EIF3H: variants seen among roughly 807,000 people sequenced by gnomAD.
The protein encoded by EIF3H is eIF-3-gamma.
EIF3H carries 26 observed loss-of-function variants against 44.2 expected under a neutral mutation model. That is an observed-to-expected ratio of 0.59 (90% CI 0.43 to 0.82). The LOEUF (loss-of-function observed/expected upper bound fraction) is 0.82. Among genes scored for constraint, EIF3H ranks in the 40% least tolerant of loss-of-function variants. The pLI is 0.00. For missense variants in EIF3H, 359 were observed against 432.8 expected, an observed-to-expected ratio of 0.83 and a Z score of 1.51; for synonymous variants, 166 against 151.9, an observed-to-expected ratio of 1.09 and a Z score of -0.68.
chr8:116,731,228 G>A (rs774313563), intron 1 of EIF3H, among the ~76,000 whole-genome samples: 1 of 152,134 alleles, frequency 6.6e-6, no homozygotes, highest in African/African-American at 2.4e-5. Flanking sequence ...GCTTTTTTTA[G>A]ATAAATGAAG....
At chr8:116,736,221 G>C (rs956491543) in intron 1 of EIF3H, among the ~76,000 whole-genome samples, 21 of 152,192 alleles carry the variant, frequency 1.4e-4, no homozygotes, top group Non-Finnish European at 1.5e-5. Context: ...TGGTTGCCTA[G>C]GGCCAAGGTG....
intron 2 of EIF3H, among the ~76,000 whole-genome samples, chr8:116,674,067 C>CAAAAAAAAAAAA (rs59899280): frequency 1.2e-4 from 6 of 49,660 alleles, no homozygotes; most frequent in African/African-American, 5.5e-4. Flanking sequence ...AAGACTGTCT[C>CAAAAAAAAAAAA]AAAAAAAAAA....
At chr8:116,696,968 G>A (rs982006959) in intron 2 of EIF3H, 5 of 362,166 alleles carry the variant, frequency 1.4e-5, no homozygotes, top group African/African-American at 2.1e-5. Context: ...AAAAAAGCTA[G>A]GACACCAACC....
At chr8:116,701,863 T>C (rs2130881529) in intron 2 of EIF3H, among the ~76,000 whole-genome samples, 1 of 152,254 alleles carries the variant, frequency 6.6e-6, no homozygotes, top group Admixed American at 6.5e-5. Context: ...AAAAAGAACA[T>C]GAGTAAGAAA....
intron 5 of EIF3H, among the ~76,000 whole-genome samples, chr8:116,654,022 T>C (rs1490257690): frequency 1.3e-5 from 2 of 152,208 alleles, no homozygotes; most frequent in East Asian, 3.8e-4. Context: ...ACAATTACTG[T>C]CAGAAATTAA....
At chr8:116,712,481 A>G (rs1451544277) in intron 2 of EIF3H, among the ~76,000 whole-genome samples, 1 of 152,196 alleles carries the variant, frequency 6.6e-6, no homozygotes, top group Non-Finnish European at 1.5e-5. Flanking sequence ...ATAAACCTAC[A>G]CCATTACATT....
intron 2 of EIF3H, among the ~76,000 whole-genome samples, chr8:116,711,729 C>A (rs2130900461): frequency 6.6e-6 from 1 of 152,268 alleles, no homozygotes; most frequent in Admixed American, 6.5e-5. Context: ...CCAATACATT[C>A]TCCAGGTAAA....
intron 2 of EIF3H, among the ~76,000 whole-genome samples, chr8:116,672,397 G>A (rs546966165): frequency 2.0e-5 from 3 of 152,306 alleles, no homozygotes; most frequent in South Asian, 2.1e-4. Flanking sequence ...AGGCTAAGGC[G>A]GGAGGACTGC....
At position 116,755,769 on chromosome 8, in the gene EIF3H, G is replaced by C; in HGVS notation, c.29C>G (p.Ser10Cys). 3 of 1,614,076 alleles carry C rather than the reference G, an allele frequency of 1.9e-6. No homozygotes were observed. The highest frequency in any genetic ancestry group is 2.5e-6 in the Non-Finnish European group (3 of 1,180,034). Residue 10 changes from serine (S) to cysteine (C), a missense_variant, in exon 1 of 8, where the codon TCT becomes TGT. Physicochemically the swap from Ser to Cys is moderately radical, Grantham distance 112. Around this residue, in one of 5 missense-constraint regions of EIF3H, gnomAD observed 59 missense variants for 33.5 expected, o/e 1.76. Coordinates refer to ENST00000521861, the MANE Select transcript of EIF3H (RefSeq NM_003756.3). Reference protein sequence around the residue: MASRKEGTGSTATSSSSTAG... With the variant: MASRKEGTGCTATSSSSTAG... The stretch of plus-strand genomic sequence containing the variant: ...GGTGGAGCTGGAAGAGGTGGCAGTA[G>C]AGCCGGTACCTTCCTTGCGGGACGC...
At chr8:116,708,785 C>T (rs1250379007) in intron 2 of EIF3H, among the ~76,000 whole-genome samples, 2 of 151,858 alleles carry the variant, frequency 1.3e-5, no homozygotes, top group Non-Finnish European at 2.9e-5. Context: ...TTGAATTATA[C>T]CAAACATCCT....
At chr8:116,756,330 C>T (rs1815449366), upstream of EIF3H, among the ~76,000 whole-genome samples, 3 of 152,250 alleles carry the variant, frequency 2.0e-5, no homozygotes, top group South Asian at 6.2e-4. Flanking sequence ...ATCAGAATTA[C>T]CAGAAATAGT....
At chr8:116,693,413 C>T (rs1317552894) in intron 2 of EIF3H, among the ~76,000 whole-genome samples, 2 of 152,210 alleles carry the variant, frequency 1.3e-5, no homozygotes, top group East Asian at 1.9e-4. Context: ...GCACCACCTA[C>T]GTGGTAACAA....
chr8:116,715,719 T>C (rs1814650432), intron 2 of EIF3H, among the ~76,000 whole-genome samples: 1 of 152,112 alleles, frequency 6.6e-6, no homozygotes, highest in Non-Finnish European at 1.5e-5. Context: ...GTGCACTTTA[T>C]AACATATTTA....
At chr8:116,739,224 T>C (rs921480933) in intron 1 of EIF3H, among the ~76,000 whole-genome samples, 1 of 152,246 alleles carries the variant, frequency 6.6e-6, no homozygotes, top group African/African-American at 2.4e-5. Flanking sequence ...GCTCAAGTCT[T>C]AACTAGCTTC....
At position 116,672,368 on chromosome 8, in the gene EIF3H, G is replaced by A. The variant is rs912967669; in HGVS notation, c.290-13388C>T. 5.9e-5 allele frequency among the ~76,000 whole-genome samples: 9 copies of A among 152,314 alleles called. No individual in the cohort carries two copies. The South Asian group carries it at 6.2e-4, about 11-fold the overall frequency. ...AGGCCAGGTACAGTGGCTCACGCCC[G>A]TAATCCCAACACTTTGGAAGGCTAA... is the stretch of plus-strand genomic sequence containing the variant. On this transcript the variant is annotated intron_variant, in intron 2 of 7. Coordinates refer to ENST00000521861, the MANE Select transcript of EIF3H (RefSeq NM_003756.3).
intron 2 of EIF3H, among the ~76,000 whole-genome samples, chr8:116,721,944 T>A (rs1447139708): frequency 6.6e-6 from 1 of 152,218 alleles, no homozygotes; most frequent in Non-Finnish European, 1.5e-5. Flanking sequence ...GACTGTGGAC[T>A]TTTGAGTTAA....
intron 2 of EIF3H, among the ~76,000 whole-genome samples, chr8:116,712,106 G>A (rs114443402): frequency 0.053 from 8,055 of 152,222 alleles, 710 homozygotes; most frequent in African/African-American, 0.18. Flanking sequence ...TGCTGCTGCC[G>A]CCGCCGCCGC....
chr8:116,703,434 G>A (rs758953743), intron 2 of EIF3H, among the ~76,000 whole-genome samples: 1 of 152,156 alleles, frequency 6.6e-6, no homozygotes, highest in Non-Finnish European at 1.5e-5. Flanking sequence ...AGGCCTGCCC[G>A]CAGCCATCCG....
chr8:116,652,624 G>C (rs1813414658), intron 5 of EIF3H, among the ~76,000 whole-genome samples: 1 of 152,156 alleles, frequency 6.6e-6, no homozygotes, highest in Admixed American at 6.5e-5. Context: ...TACGTAGATA[G>C]AGTGCAAATG....
Sources: gnomAD v4.1 joint callset for allele counts (sites outside exome capture counted in the v4.1 genomes callset) on GRCh38, gnomAD v4.1.1 for gene constraint, gnomAD v4.1.1 regional missense constraint, MANE v1.5 for transcripts, NCBI Gene and HGNC (gene_info 2026-07-23, HGNC 2026-07-21) for gene names.